The following PLEC variants were observed in gnomAD, a reference collection of about 807,000 sequenced individuals.
The protein encoded by PLEC is hemidesmosomal protein 1.
Under a neutral mutation model 392.8 loss-of-function variants are expected in PLEC, and 216 were observed. That is an observed-to-expected ratio of 0.55 (90% CI 0.49 to 0.62). PLEC has a LOEUF of 0.62. Among genes scored for constraint, PLEC ranks in the 20% least tolerant of loss-of-function variants. The pLI is 0.00. For missense variants in PLEC, 6,863 were observed against 6,563.4 expected (o/e 1.05, Z -1.58); for synonymous variants, 3,621 against 2,980.6 (o/e 1.21, Z -7.00).
upstream of PLEC, chr8:143,975,300 T>A (rs782375453): frequency 1.3e-6 from 2 of 1,598,700 alleles, no homozygotes; most frequent in Non-Finnish European, 1.7e-6. This position sits in a 1 kb window ranked among gnomAD's most constrained non-coding sequence, Gnocchi z 9.9. Context: ...TCCCCAGGGC[T>A]GGGCGAGCCA....
chr8:143,971,789 G>A (rs556506782), intron 1 of PLEC, among the ~76,000 whole-genome samples: 17 of 142,170 alleles, frequency 1.2e-4, no homozygotes, highest in South Asian at 1.0e-3. Context: ...CAAGCCCCCC[G>A]GCCCCCCTGC....
upstream of PLEC, among the ~76,000 whole-genome samples, chr8:143,956,292 A>G (rs1224925043): frequency 2.0e-5 from 3 of 152,294 alleles, no homozygotes; most frequent in East Asian, 1.9e-4. Context: ...ATGGAATGTT[A>G]TAAGATTGGC....
rs200893203 is a variant in PLEC at position 143,933,332 on chromosome 8, G to A, written c.1283C>T (p.Ala428Val). The A allele has an allele frequency of 1.4e-4, 228 of 1,611,826 alleles. No homozygotes were observed. In the East Asian group the frequency reaches 3.7e-3, roughly 26 times the overall value. ...LLQSDVRLLA[A>V]GKVPQRAGEV... ...CCCCGCCCGCTGTGGCACTTTGCCT[G>A]CAGCCAGCAGCCGGACATCCTGCAA... The change falls in exon 13 of 32, where the codon GCA becomes GTA. Residue 428 changes from alanine to valine, a missense_variant. Physicochemically the swap from Ala to Val is moderately conservative, Grantham distance 64. Coordinates refer to ENST00000345136, the MANE Select transcript of PLEC (RefSeq NM_201384.3).
upstream of PLEC, among the ~76,000 whole-genome samples, chr8:143,956,752 C>T (rs1236270739): frequency 1.3e-5 from 2 of 152,178 alleles, no homozygotes; most frequent in South Asian, 2.1e-4. Context: ...AGAGGCTTAT[C>T]GACAAGCTGC....
chr8:143,918,188 G>T lies in PLEC; in HGVS notation c.11633C>A (p.Ser3878Ter). 1 of 1,591,890 alleles carries T rather than the reference G, an allele frequency of 6.3e-7. No homozygotes were observed. Among genetic ancestry groups the T allele is most frequent in the South Asian group, 1.1e-5 (1 of 90,778 alleles). ...ACGGAAGGTCAGCTTGCGGGCGTCC[G>T]ACAGTGGCAGGAGCAGCTGGCCGGT... ...DGTGQLLLPL[S>*]DARKLTFRGL... The change falls in exon 32 of 32, where the codon TCG becomes TAG. Residue 3878 changes from serine to a stop codon, truncating the protein, a stop_gained. Transcript: ENST00000345136. LOFTEE classifies it high-confidence loss of function.
chr8:143,950,091 C>A (rs1028492506), intron 1 of PLEC: 12 of 1,423,910 alleles, frequency 8.4e-6, no homozygotes, highest in Middle Eastern at 2.5e-4. Flanking sequence ...CGGCTGACCA[C>A]TCCAACCACT....
At position 143,937,992 on chromosome 8, in the gene PLEC, C is replaced by T. The variant is rs574618828; in HGVS notation, c.264+159G>A. Reference sequence around the variant, plus strand: ...TGCCCAGCAGCCTGGGCGGGAGGTGCTGCCAGGGACGAGGCCAGCCTGCCC... The same window carrying T: ...TGCCCAGCAGCCTGGGCGGGAGGTGTTGCCAGGGACGAGGCCAGCCTGCCC... On this transcript the variant is annotated intron_variant, in intron 3 of 31. Transcript: ENST00000345136. 1.0e-3 allele frequency among the ~76,000 whole-genome samples: 156 copies of T among 152,288 alleles called. 1 individual carries two copies. The highest frequency in any genetic ancestry group is 3.7e-3 in the African/African-American group (154 of 41,562).
chr8:143,943,455 G>A (rs978401380), upstream of PLEC, among the ~76,000 whole-genome samples: 8 of 152,220 alleles, frequency 5.3e-5, no homozygotes, highest in East Asian at 1.9e-4. Flanking sequence ...AGTGCTGGCC[G>A]GACAGGCACC....
In PLEC at chr8:143,921,479, T is replaced by C. The variant is rs1554685883; in HGVS notation, c.8342A>G (p.Tyr2781Cys). The change falls in exon 32 of 32, where the codon TAC (tyrosine) becomes TGC (cysteine). Residue 2781 changes from tyrosine to cysteine, a missense_variant. Transcript: ENST00000345136. ...ERAVTGYKDP[Y>C]TGQQISLFQA... ...GAAGAGAGAGATCTGCTGGCCAGTG[T>C]AGGGGTCCTTGTAGCCAGTGACGGC... The C allele has an allele frequency of 1.9e-6, 3 of 1,613,086 alleles. No homozygotes were observed. Among genetic ancestry groups the C allele is most frequent in the Middle Eastern group, 1.6e-4 (1 of 6,062 alleles).
Position 143,920,983 on chromosome 8 carries a change from G to A in PLEC, c.8838C>T (p.Arg2946=). 6.2e-7 allele frequency: 1 copy of A among 1,613,106 alleles called. No individual in the cohort carries two copies. ...EQRRDLLRQF[R]TGRITVEKII... is the part of the protein sequence containing the mutation. ...TCTTCTCCACTGTGATCCGGCCCGT[G>A]CGGAACTGCCGCAGCAGGTCCCGCC... The change falls in exon 32 of 32, where the codon CGC becomes CGT. Residue 2946 remains arginine, a synonymous_variant. Coordinates refer to ENST00000345136, the MANE Select transcript of PLEC (RefSeq NM_201384.3).
chr8:143,946,303 C>T (rs1394796089), intron 1 of PLEC: 11 of 1,256,726 alleles, frequency 8.8e-6, no homozygotes, highest in South Asian at 2.5e-5. Flanking sequence ...GAGGCGGCCC[C>T]GGCCCTCTCC....
chr8:143,928,801 T>C (rs1017272031), intron 25 of PLEC, among the ~76,000 whole-genome samples: 1 of 152,182 alleles, frequency 6.6e-6, no homozygotes, highest in Non-Finnish European at 1.5e-5. Context: ...ACTGTGCCAC[T>C]GAAAGTGGAT....
At chr8:143,931,512 C>A (rs1360100712) in intron 19 of PLEC, 22 bp downstream of exon 19, 1 of 1,556,308 alleles carries the variant, frequency 6.4e-7, no homozygotes, top group Non-Finnish European at 8.7e-7. Flanking sequence ...CCTGACACGC[C>A]CCTGCACACC....
chr8:143,938,333 G>A, intron 2 of PLEC, 93 bp from the exon 3 acceptor site: 1 of 1,537,458 alleles, frequency 6.5e-7, no homozygotes, highest in Non-Finnish European at 8.7e-7. Context: ...TGGTCCCAGA[G>A]GGAAGGAGGC....
intron 1 of PLEC, among the ~76,000 whole-genome samples, chr8:143,965,159 C>T (rs1833029441): frequency 6.6e-6 from 1 of 152,084 alleles, no homozygotes; most frequent in African/African-American, 2.4e-5. Context: ...CAGCACTGGC[C>T]CTGGGTCTGC....
rs374045717 is a variant in PLEC at position 143,923,782 on chromosome 8, C to T, written c.6147G>A (p.Ala2049=). The T allele has an allele frequency of 5.1e-5, 80 of 1,573,026 alleles. No individual in the cohort carries two copies. In the African/African-American group the frequency reaches 5.8e-4, roughly 11 times the overall value. ...CCGCGAAGGCGTGTGCCTTCTCTTC[C>T]GCCTGCAGCCGCTTCTGGGCGGCCT... ...AQEAAQKRLQ[A]EEKAHAFAVQ... The change falls in exon 31 of 32, where the codon GCG becomes GCA. Residue 2049 remains alanine (A), a synonymous_variant. Coordinates refer to ENST00000345136, the MANE Select transcript of PLEC (RefSeq NM_201384.3).
At chr8:143,936,892 G>A in intron 5 of PLEC, 87 bp downstream of exon 5, 1 of 1,075,478 alleles carries the variant, frequency 9.3e-7, no homozygotes, top group Admixed American at 1.8e-5. Context: ...GCCCTAGCCA[G>A]AAAGCGGATC....
At position 143,923,609 on chromosome 8, in the gene PLEC, G is replaced by T. The variant is rs782287448; in HGVS notation, c.6320C>A (p.Ser2107Tyr). Reference sequence around the variant, plus strand: ...CTCGGCCTCTTCCACCTGCCGCCGGGACTGCGCCGCCTCACGCTCCGCCTG... The same window carrying T: ...CTCGGCCTCTTCCACCTGCCGCCGGTACTGCGCCGCCTCACGCTCCGCCTG... ...RVQAEREAAQ[S>Y]RRQVEEAERL... is the part of the protein sequence containing the mutation. The change falls in exon 31 of 32, where the codon TCC becomes TAC. Residue 2107 changes from serine (S) to tyrosine (Y), a missense_variant. Ser to Tyr is a moderately radical substitution (Grantham distance 144). Transcript: ENST00000345136. 6.3e-7 allele frequency: 1 copy of T among 1,592,066 alleles called. No homozygotes were observed. Among genetic ancestry groups the T allele is most frequent in the Admixed American group, 1.7e-5 (1 of 59,602 alleles).
chr8:143,955,546 G>T (rs868985949), upstream of PLEC, among the ~76,000 whole-genome samples: 27 of 152,132 alleles, frequency 1.8e-4, no homozygotes, highest in African/African-American at 6.3e-4. Context: ...GAAAGTGACA[G>T]ATATTTATAA....
Sources: gnomAD v4.1 joint callset for allele counts (sites outside exome capture counted in the v4.1 genomes callset) on GRCh38, gnomAD v4.1.1 for gene constraint, Gnocchi (gnomAD v3.1) non-coding constraint, MANE v1.5 for transcripts, NCBI Gene and HGNC (gene_info 2026-07-23, HGNC 2026-07-21) for gene names.